Variants in OSMR observed in about 807,000 individuals in gnomAD.
The protein encoded by OSMR is oncostatin M receptor.
OSMR carries 81 observed loss-of-function variants against 99.9 expected under a neutral mutation model. The observed-to-expected ratio is 0.81, with a 90% CI of 0.68 to 0.97. The LOEUF is 0.97. Among genes scored for constraint, OSMR ranks in the 50% least tolerant of loss-of-function variants. OSMR has a pLI of 0.00. For synonymous variants in OSMR, 406 were observed against 410.4 expected (o/e 0.99, Z 0.13); for missense variants, 1,099 against 1,153.4 (o/e 0.95, Z 0.68).
intron 15 of OSMR, among the ~76,000 whole-genome samples, chr5:38,927,922 ATC>A: frequency 6.6e-6 from 1 of 152,228 alleles, no homozygotes; most frequent in East Asian, 1.9e-4. Context: ...ACCCTAAATC[ATC>A]TGTCTCAAGT....
chr5:38,906,904 T>C (rs764733424), intron 9 of OSMR, among the ~76,000 whole-genome samples: 1 of 152,222 alleles, frequency 6.6e-6, no homozygotes, highest in Non-Finnish European at 1.5e-5. Context: ...TATTTTTTAA[T>C]ATTTGAAACA....
At chr5:38,900,439 T>C (rs1158253657) in intron 7 of OSMR, among the ~76,000 whole-genome samples, 1 of 152,208 alleles carries the variant, frequency 6.6e-6, no homozygotes, top group Admixed American at 6.5e-5. Context: ...CATATAATTG[T>C]TAATCTGGTG....
intron 15 of OSMR, among the ~76,000 whole-genome samples, chr5:38,928,547 T>A (rs1386140076): frequency 6.6e-6 from 1 of 151,950 alleles, no homozygotes; most frequent in Non-Finnish European, 1.5e-5. Context: ...AACCATCAGA[T>A]CTTGTGGGAA....
intron 15 of OSMR, among the ~76,000 whole-genome samples, chr5:38,926,743 AT>A (rs1490180339): frequency 3.3e-5 from 5 of 152,208 alleles, no homozygotes; most frequent in Non-Finnish European, 7.3e-5. Flanking sequence ...TCCAAATCTC[AT>A]GCCCTCATAT....
downstream of OSMR, chr5:38,938,204 A>G (rs1747177704): frequency 4.5e-6 from 1 of 223,280 alleles, no homozygotes; most frequent in Admixed American, 5.7e-5. Flanking sequence ...ACCTACAAAC[A>G]CCAGAACCTC....
intron 1 of OSMR, among the ~76,000 whole-genome samples, chr5:38,861,855 CG>C (rs1411411730): frequency 7.2e-6 from 1 of 138,566 alleles, no homozygotes; most frequent in African/African-American, 2.7e-5. Flanking sequence ...ACAGACGGGG[CG>C]GCTGGCCGGG....
rs189449315 is a variant in OSMR at position 38,867,702 on chromosome 5, C to T, written c.-13-1330C>T. Among the ~76,000 whole-genome samples the T allele has an allele frequency of 2.7e-3, 408 of 152,232 alleles. 1 individual carries two copies. Among genetic ancestry groups the T allele is most frequent in the African/African-American group, 9.4e-3 (392 of 41,548 alleles). ...AATTCTTTTCTAAGGAAAGGAAAAC[C>T]GGAAATTATTTGGAATAATGAAAAA... On this transcript the variant is annotated intron_variant, in intron 1 of 17. Transcript: ENST00000274276.
chr5:38,853,490 A>G (rs957426349), intron 1 of OSMR, among the ~76,000 whole-genome samples: 2 of 151,180 alleles, frequency 1.3e-5, no homozygotes, highest in Non-Finnish European at 3.0e-5. Flanking sequence ...GTCAGAGTCC[A>G]TGGTACTTAA....
chr5:38,937,834 G>A (rs776625484), downstream of OSMR: 17 of 170,344 alleles, frequency 1.0e-4, no homozygotes, highest in Non-Finnish European at 2.1e-4. The surrounding 1 kb of genome is among the most constrained non-coding windows in gnomAD (Gnocchi z 4.0). Flanking sequence ...TTGGAGTCAC[G>A]TGTGTCAGCA....
chr5:38,856,166 C>A (rs2367703), intron 1 of OSMR, among the ~76,000 whole-genome samples: 37,732 of 152,054 alleles, frequency 0.25, 5,085 homozygotes, highest in South Asian at 0.43. Context: ...GAACTGAGGA[C>A]TTCTTGGGTC....
chr5:38,944,968 A>C, exon 3 of OSMR: 1 of 1,614,016 alleles, frequency 6.2e-7, no homozygotes, highest in East Asian at 2.2e-5. Flanking sequence ...GAGACACCCC[A>C]TCACTGCATC....
rs569674389 is a variant in OSMR at position 38,918,367 on chromosome 5, G to A, written c.1363-473G>A. On this transcript the variant is annotated intron_variant, in intron 10 of 17. Coordinates refer to ENST00000274276, the MANE Select transcript of OSMR (RefSeq NM_003999.3). ...GGGCAAGAATTTCTCTGCAAACTGA[G>A]GATCTTCCAGAGGAGGGCTCTGGGT... Among the ~76,000 whole-genome samples, 9 of 152,202 alleles carry A rather than the reference G, an allele frequency of 5.9e-5. No individual in the cohort carries two copies. The East Asian group carries it at 1.7e-3, about 29-fold the overall frequency.
At chr5:38,876,958 G>T (rs1742889000) in intron 3 of OSMR, among the ~76,000 whole-genome samples, 2 of 152,206 alleles carry the variant, frequency 1.3e-5, no homozygotes, top group South Asian at 4.1e-4. Flanking sequence ...CACTCTTTTT[G>T]TCTTTGAATT....
At chr5:38,877,820 G>C (rs1742957274) in intron 3 of OSMR, among the ~76,000 whole-genome samples, 1 of 152,086 alleles carries the variant, frequency 6.6e-6, no homozygotes, top group Non-Finnish European at 1.5e-5. Flanking sequence ...AATAATATTA[G>C]CCATACACCA....
chr5:38,892,400 A>G (rs1257933128), intron 7 of OSMR, among the ~76,000 whole-genome samples: 2 of 152,096 alleles, frequency 1.3e-5, no homozygotes. Context: ...CATCATAGAC[A>G]GCACCTGAAC....
chr5:38,854,572 C>T (rs1197096068), intron 1 of OSMR, among the ~76,000 whole-genome samples: 1 of 151,894 alleles, frequency 6.6e-6, no homozygotes, highest in East Asian at 1.9e-4. Context: ...ATAAATTAGG[C>T]AATATTTGAC....
At chr5:38,878,093 T>C (rs1039745332) in intron 3 of OSMR, among the ~76,000 whole-genome samples, 1 of 151,992 alleles carries the variant, frequency 6.6e-6, no homozygotes, top group Non-Finnish European at 1.5e-5. Flanking sequence ...AGAGGCAGGG[T>C]GGGATCATCC....
intron 1 of OSMR, among the ~76,000 whole-genome samples, chr5:38,857,724 A>G (rs1008276677): frequency 3.9e-5 from 6 of 152,010 alleles, no homozygotes; most frequent in Admixed American, 6.6e-5. Context: ...CTGGAGTGCA[A>G]TGGTGCCATC....
intron 7 of OSMR, among the ~76,000 whole-genome samples, chr5:38,901,914 AG>A (rs1744917349): frequency 6.6e-6 from 1 of 152,198 alleles, no homozygotes; most frequent in Admixed American, 6.5e-5. Context: ...GAGGCCTACC[AG>A]CTGCTGGGCC....
Sources: gnomAD v4.1 joint callset for allele counts (sites outside exome capture counted in the v4.1 genomes callset) on GRCh38, gnomAD v4.1.1 for gene constraint, Gnocchi (gnomAD v3.1) non-coding constraint, MANE v1.5 for transcripts, NCBI Gene and HGNC (gene_info 2026-07-23, HGNC 2026-07-21) for gene names.